The following GRM7 variants were observed in gnomAD, a reference collection of about 807,000 sequenced individuals.
GRM7 encodes glutamate metabotropic receptor 7.
A neutral mutation model predicts 84.5 loss-of-function variants in GRM7; 35 were observed. The ratio of observed to expected loss-of-function variants is 0.41; its 90% CI spans 0.32 to 0.55. The LOEUF (loss-of-function observed/expected upper bound fraction) is 0.55, where lower values mean the gene tolerates loss of function less well. Among genes scored for constraint, GRM7 ranks in the 20% least tolerant of loss-of-function variants. GRM7 has a pLI of 0.19. For synonymous variants in GRM7, 487 were observed against 455.1 expected (o/e 1.07, Z -0.89); for missense variants, 1,003 against 1,194.6 (o/e 0.84, Z 2.36).
chr3:7,251,283 G>C (rs1354024421), intron 2 of GRM7, among the ~76,000 whole-genome samples: 1 of 151,354 alleles, frequency 6.6e-6, no homozygotes, highest in East Asian at 1.9e-4. Flanking sequence ...AGGTAAAAGG[G>C]AAGTAGTTCA....
chr3:6,881,225 A>G (rs760405186), intron 1 of GRM7, among the ~76,000 whole-genome samples: 12 of 152,116 alleles, frequency 7.9e-5, no homozygotes, highest in Non-Finnish European at 1.2e-4. Flanking sequence ...TTGCTGCACT[A>G]TCAACCCATT....
At chr3:6,978,710 T>C (rs1377526575) in intron 1 of GRM7, among the ~76,000 whole-genome samples, 1 of 152,126 alleles carries the variant, frequency 6.6e-6, no homozygotes, top group Non-Finnish European at 1.5e-5. Flanking sequence ...GAGAACATAG[T>C]GGCATAACGG....
At chr3:7,261,838 T>A (rs546226730) in intron 2 of GRM7, among the ~76,000 whole-genome samples, 1 of 152,048 alleles carries the variant, frequency 6.6e-6, no homozygotes, top group East Asian at 1.9e-4. Context: ...TTATTTCTCC[T>A]TCATTTATGA....
chr3:7,126,107 A>G (rs983567575), intron 1 of GRM7, among the ~76,000 whole-genome samples: 1 of 152,132 alleles, frequency 6.6e-6, no homozygotes, highest in Non-Finnish European at 1.5e-5. Flanking sequence ...GGAAAATCAC[A>G]CTGGAAATAG....
intron 4 of GRM7, among the ~76,000 whole-genome samples, chr3:7,368,815 TC>T (rs1463593687): frequency 6.6e-6 from 1 of 152,118 alleles, no homozygotes; most frequent in South Asian, 2.1e-4. Flanking sequence ...TGTTCTTGAT[TC>T]CCATCGTATC....
At chr3:7,275,064 C>A (rs1304870940) in intron 2 of GRM7, among the ~76,000 whole-genome samples, 1 of 152,054 alleles carries the variant, frequency 6.6e-6, no homozygotes, top group African/African-American at 2.4e-5. Flanking sequence ...TTTCCTCAGC[C>A]ACTTCCAGTC....
At chr3:7,069,655 C>G (rs933021208) in intron 1 of GRM7, among the ~76,000 whole-genome samples, 1 of 152,078 alleles carries the variant, frequency 6.6e-6, no homozygotes, top group East Asian at 1.9e-4. Flanking sequence ...TGTCCATACA[C>G]AGTAGGCAGG....
chr3:7,737,469 G>A (rs761945746), intron 9 of GRM7, among the ~76,000 whole-genome samples: 36 of 152,056 alleles, frequency 2.4e-4, no homozygotes, highest in East Asian at 3.9e-4. Flanking sequence ...GCTTCATTGC[G>A]CAACTATTTT....
Position 7,162,729 on chromosome 3 carries a change from A to ATTTTTTTTTTTTT in GRM7, c.736+16097_736+16109dup, listed in dbSNP as rs71063284. On this transcript the variant is annotated intron_variant, in intron 2 of 9. Coordinates refer to ENST00000357716, the MANE Select transcript of GRM7 (RefSeq NM_000844.4). ...CAATCTCCCATTACTCCCATTTTTC[A>ATTTTTTTTTTTTT]TTTTTTTTTTTTTTTTTTTTTTTTT... Among the ~76,000 whole-genome samples the ATTTTTTTTTTTTT allele has an allele frequency of 4.9e-4, 27 of 54,716 alleles. 4 individuals carry two copies. The highest frequency in any genetic ancestry group is 7.0e-4 in the Non-Finnish European group (18 of 25,686). The allele number at this position is 54,716 out of a possible 152,430, so 35.9% of individuals were successfully genotyped here. A position where few individuals can be genotyped will look rare whatever the true frequency, so the allele number is the denominator to read the frequency against.
chr3:7,681,449 T>C lies in GRM7; in HGVS notation c.2698+1154T>C, dbSNP rs536576008. 2.6e-5 allele frequency: 4 copies of C among 152,348 alleles called. No individual in the cohort carries two copies. In the East Asian group the frequency reaches 7.7e-4, roughly 29 times the overall value. The allele number at this position is 152,348 out of a possible 1,614,324, so 9.4% of individuals were successfully genotyped here. On this transcript the variant is annotated intron_variant, in intron 9 of 9. Coordinates refer to ENST00000357716, the MANE Select transcript of GRM7 (RefSeq NM_000844.4). ...CTGACAAACACTACACAAAGAACTG[T>C]GATTTTGGCCTGTCTCTATTTATGA...
intron 1 of GRM7, among the ~76,000 whole-genome samples, chr3:6,899,384 A>G (rs1696307494): frequency 6.6e-6 from 1 of 152,196 alleles, no homozygotes; most frequent in Non-Finnish European, 1.5e-5. Context: ...AAAATACTTA[A>G]TTGGACAACT....
intron 8 of GRM7, among the ~76,000 whole-genome samples, chr3:7,603,414 C>CTGTT (rs553025885): frequency 2.3e-3 from 346 of 152,198 alleles, no homozygotes; most frequent in Non-Finnish European, 4.4e-3. Context: ...CAGATTTCTA[C>CTGTT]TGTTTTATGA....
chr3:7,483,269 G>A (rs373928962), intron 7 of GRM7, among the ~76,000 whole-genome samples: 2 of 152,214 alleles, frequency 1.3e-5, no homozygotes, highest in Admixed American at 6.5e-5. Flanking sequence ...TAGGTGCTGT[G>A]AGGAAAACAA....
intron 1 of GRM7, among the ~76,000 whole-genome samples, chr3:6,893,577 G>A (rs1296200408): frequency 6.6e-6 from 1 of 152,046 alleles, no homozygotes; most frequent in Non-Finnish European, 1.5e-5. Flanking sequence ...AGTTTTATAG[G>A]TGCTCAATAA....
chr3:7,572,380 A>T (rs1423616277), intron 7 of GRM7, among the ~76,000 whole-genome samples: 2 of 152,176 alleles, frequency 1.3e-5, no homozygotes, highest in Non-Finnish European at 2.9e-5. Flanking sequence ...ATGTGCAAAC[A>T]AATTAGGAAT....
chr3:6,975,417 A>G (rs1261569546), intron 1 of GRM7, among the ~76,000 whole-genome samples: 1 of 152,142 alleles, frequency 6.6e-6, no homozygotes, highest in African/African-American at 2.4e-5. Flanking sequence ...CAAGTTCCCC[A>G]CTTTCTACCT....
intron 1 of GRM7, among the ~76,000 whole-genome samples, chr3:6,937,961 A>T (rs1697747973): frequency 1.3e-5 from 2 of 152,192 alleles, no homozygotes; most frequent in African/African-American, 4.8e-5. Context: ...AATACTGATG[A>T]CATCCTCATT....
intron 2 of GRM7, among the ~76,000 whole-genome samples, chr3:7,247,092 G>C (rs1317476865): frequency 1.3e-5 from 2 of 151,922 alleles, no homozygotes; most frequent in Admixed American, 6.6e-5. Flanking sequence ...CTTGAACAAT[G>C]GTGTATCTAC....
intron 1 of GRM7, among the ~76,000 whole-genome samples, chr3:7,135,346 A>C (rs981823870): frequency 6.6e-6 from 1 of 152,220 alleles, no homozygotes; most frequent in East Asian, 1.9e-4. Flanking sequence ...ATAAGAACTA[A>C]GAGTGAAATT....
Sources: gnomAD v4.1 joint callset for allele counts (sites outside exome capture counted in the v4.1 genomes callset) on GRCh38, gnomAD v4.1.1 for gene constraint, MANE v1.5 for transcripts, NCBI Gene and HGNC (gene_info 2026-07-23, HGNC 2026-07-21) for gene names.